Variants in NFATC2 observed in about 807,000 individuals in gnomAD.
NFATC2 encodes nuclear factor of activated T cells 2.
A neutral mutation model predicts 87.3 loss-of-function variants in NFATC2; 22 were observed. The ratio of observed to expected loss-of-function variants is 0.25; its 90% CI spans 0.18 to 0.36. The LOEUF (loss-of-function observed/expected upper bound fraction) is 0.36, where lower values mean the gene tolerates loss of function less well. Among genes scored for constraint, NFATC2 ranks in the 10% least tolerant of loss-of-function variants. The probability of loss-of-function intolerance (pLI) is 1.00; values close to 1 mark genes in which losing one functional copy is unlikely to be tolerated. For synonymous variants in NFATC2, 565 were observed against 542.2 expected (o/e 1.04, Z -0.58); for missense variants, 1,149 against 1,259.1 (o/e 0.91, Z 1.32).
At chr20:51,489,545 C>T (rs959333202) in intron 3 of NFATC2, among the ~76,000 whole-genome samples, 1 of 152,116 alleles carries the variant, frequency 6.6e-6, no homozygotes, top group African/African-American at 2.4e-5. Flanking sequence ...ACATCAAGTC[C>T]CCCACTCCTT....
intron 3 of NFATC2, among the ~76,000 whole-genome samples, chr20:51,493,962 T>C (rs1419395590): frequency 6.6e-6 from 1 of 151,964 alleles, no homozygotes; most frequent in East Asian, 1.9e-4. Flanking sequence ...AAGGGGAAAA[T>C]AACAGATGCC....
At chr20:51,391,512 A>G in intron 10 of NFATC2, 61 bp from the exon 11 acceptor site, 2 of 1,542,940 alleles carry the variant, frequency 1.3e-6, no homozygotes, top group Non-Finnish European at 1.8e-6. Flanking sequence ...GGCACCGAAA[A>G]CATGCATCAG....
At chr20:51,472,100 A>G (rs1568659968) in intron 5 of NFATC2, among the ~76,000 whole-genome samples, 1 of 152,134 alleles carries the variant, frequency 6.6e-6, no homozygotes, top group African/African-American at 2.4e-5. Flanking sequence ...TAAAAAATAC[A>G]AACAATTAGC....
intron 3 of NFATC2, among the ~76,000 whole-genome samples, chr20:51,507,443 G>A (rs761692724): frequency 2.0e-5 from 3 of 152,162 alleles, no homozygotes; most frequent in Admixed American, 1.3e-4. Context: ...TCTAAGGCTC[G>A]TAGAGCTCAA....
intron 2 of NFATC2, among the ~76,000 whole-genome samples, chr20:51,522,529 C>T (rs1357310601): frequency 6.6e-6 from 1 of 151,938 alleles, no homozygotes; most frequent in East Asian, 1.9e-4. Context: ...CTACATACAT[C>T]TCCTCAGCTT....
intron 1 of NFATC2, 95 bp downstream of exon 1, chr20:51,542,275 G>T: frequency 6.9e-7 from 1 of 1,450,160 alleles, no homozygotes; most frequent in Non-Finnish European, 9.1e-7. Flanking sequence ...CCTTAGGAAG[G>T]GGGACGGCTG....
chr20:51,554,060 T>TGA (rs2076957321), intron 1 of NFATC2, among the ~76,000 whole-genome samples: 1 of 152,104 alleles, frequency 6.6e-6, no homozygotes, highest in Admixed American at 6.5e-5. Context: ...CAGGGAGTGA[T>TGA]GAGGACAAGC....
At chr20:51,499,469 G>A (rs572364333) in intron 3 of NFATC2, among the ~76,000 whole-genome samples, 12 of 152,218 alleles carry the variant, frequency 7.9e-5, no homozygotes, top group African/African-American at 1.7e-4. Flanking sequence ...AATCTAAAAC[G>A]CGGCCGGGCA....
At chr20:51,437,080 T>C (rs548224936) in intron 6 of NFATC2, among the ~76,000 whole-genome samples, 2 of 142,322 alleles carry the variant, frequency 1.4e-5, no homozygotes, top group Non-Finnish European at 3.0e-5. Flanking sequence ...AGCAGAACAC[T>C]ACTCCCCCAG....
chr20:51,472,254 T>TAATAA (rs899024484), intron 5 of NFATC2, among the ~76,000 whole-genome samples: 1 of 152,226 alleles, frequency 6.6e-6, no homozygotes, highest in African/African-American at 2.4e-5. Flanking sequence ...GATTCCTTCT[T>TAATAA]AATAAAATAA....
intron 6 of NFATC2, among the ~76,000 whole-genome samples, chr20:51,441,745 A>G (rs1984378140): frequency 6.6e-6 from 1 of 151,042 alleles, no homozygotes; most frequent in Non-Finnish European, 1.5e-5. Context: ...GATAAAGTTA[A>G]TATTACTGAA....
chr20:51,491,858 A>T (rs1318352786), intron 3 of NFATC2, among the ~76,000 whole-genome samples: 1 of 106,038 alleles, frequency 9.4e-6, no homozygotes, highest in African/African-American at 4.0e-5. Flanking sequence ...CCCCACCCCC[A>T]CCAACACACA....
upstream of NFATC2, among the ~76,000 whole-genome samples, chr20:51,545,842 G>A (rs1282078755): frequency 1.3e-5 from 2 of 152,160 alleles, no homozygotes; most frequent in African/African-American, 4.8e-5. Flanking sequence ...ATTGATGGAG[G>A]ATAGATGGAT....
rs1034216200 is a variant in NFATC2, at chr20:51,387,821, C to G, written c.*3675G>C. On this transcript the variant is annotated 3_prime_UTR_variant, in exon 11 of 11. Transcript: ENST00000371564. ...CTTGTAAACTTGAAATGAAAACATT[C>G]TTTCAATTCTGAGCAATAGAAAGCA... 3 of 146,116 alleles carry G rather than the reference C, an allele frequency of 2.1e-5. No homozygotes were observed. Among genetic ancestry groups the G allele is most frequent in the African/African-American group, 5.0e-5 (2 of 39,786 alleles). The allele number at this position is 146,116 out of a possible 1,614,324, so 9.1% of individuals were successfully genotyped here. A position where few individuals can be genotyped will look rare whatever the true frequency, so the allele number is the denominator to read the frequency against.
At chr20:51,462,394 C>T (rs1342553115) in intron 5 of NFATC2, among the ~76,000 whole-genome samples, 3 of 152,022 alleles carry the variant, frequency 2.0e-5, no homozygotes, top group South Asian at 2.1e-4. Flanking sequence ...TGCAGTGAGT[C>T]GAGATCGCGC....
chr20:51,415,498 G>A (rs1979927087), intron 9 of NFATC2, among the ~76,000 whole-genome samples: 2 of 152,210 alleles, frequency 1.3e-5, no homozygotes, highest in East Asian at 1.9e-4. Context: ...CTGTCTCTGG[G>A]GATCCAGGAA....
intron 3 of NFATC2, among the ~76,000 whole-genome samples, chr20:51,503,690 C>T (rs2076128735): frequency 6.6e-6 from 1 of 152,204 alleles, no homozygotes; most frequent in Non-Finnish European, 1.5e-5. Context: ...GCCCCATGAG[C>T]CACTGTTGTT....
chr20:51,509,915 A>G (rs567958500), intron 3 of NFATC2, among the ~76,000 whole-genome samples: 9 of 152,114 alleles, frequency 5.9e-5, no homozygotes, highest in Non-Finnish European at 1.2e-4. Flanking sequence ...TCAGGCCCTC[A>G]CTCACCTCCC....
intron 10 of NFATC2, among the ~76,000 whole-genome samples, chr20:51,398,381 G>T (rs183968105): frequency 1.1e-4 from 16 of 152,230 alleles, no homozygotes; most frequent in Middle Eastern, 3.4e-3. Flanking sequence ...ATTTTTCCAC[G>T]CAGGCCAGCC....
Sources: allele counts gnomAD v4.1 joint callset (sites outside exome capture counted in the v4.1 genomes callset), GRCh38; gene constraint gnomAD v4.1.1; transcripts MANE v1.5; gene names NCBI Gene and HGNC (gene_info 2026-07-23, HGNC 2026-07-21).